The following GPC5 variants were observed in gnomAD, a reference collection of about 807,000 sequenced individuals.
GPC5 encodes glypican 5.
Under a neutral mutation model 53.9 loss-of-function variants are expected in GPC5, and 47 were observed. The ratio of observed to expected loss-of-function variants is 0.87; its 90% CI spans 0.69 to 1.11. GPC5 has a LOEUF of 1.11. GPC5 is among the 50% of genes most tolerant of loss of function. The probability of loss-of-function intolerance (pLI) is 0.00; values close to 1 mark genes in which losing one functional copy is unlikely to be tolerated. For missense variants in GPC5, 748 were observed against 713.1 expected, an observed-to-expected ratio of 1.05 and a Z score of -0.56; for synonymous variants, 286 against 263.3, an observed-to-expected ratio of 1.09 and a Z score of -0.84.
intron 7 of GPC5, among the ~76,000 whole-genome samples, chr13:92,839,155 A>T (rs1878331868): frequency 6.6e-6 from 1 of 152,228 alleles, no homozygotes; most frequent in Admixed American, 6.5e-5. Context: ...TAACTGACCA[A>T]TTGTAAGAGA....
rs1230613897 is a variant in GPC5, at chr13:91,854,023, GTTAGAAGGT to G, written c.1281-53910_1281-53902del. Among the ~76,000 whole-genome samples the G allele has an allele frequency of 2.6e-5, 4 of 151,602 alleles. No homozygotes were observed. The East Asian group carries it at 5.8e-4, about 22-fold the overall frequency. ...TATTTTTTTTCCTGAAATCTCTGCT[GTTAGAAGGT>G]TTATTTATGCACTTACTCTGTCGCT... On this transcript the variant is annotated intron_variant, in intron 5 of 7. Coordinates refer to ENST00000377067, the MANE Select transcript of GPC5 (RefSeq NM_004466.6).
At chr13:92,410,520 ACTTT>A (rs1177295216) in intron 7 of GPC5, among the ~76,000 whole-genome samples, 6 of 152,174 alleles carry the variant, frequency 3.9e-5, no homozygotes, top group African/African-American at 1.2e-4. Context: ...ATTGCACAGA[ACTTT>A]CTTTATTTAA....
intron 7 of GPC5, among the ~76,000 whole-genome samples, chr13:92,391,138 A>G (rs1874983117): frequency 6.6e-6 from 1 of 152,080 alleles, no homozygotes; most frequent in African/African-American, 2.4e-5. Context: ...ATTTAGAAAA[A>G]TCTCCTCATT....
At chr13:91,734,936 AT>A (rs542175165) in intron 4 of GPC5, among the ~76,000 whole-genome samples, 2 of 149,586 alleles carry the variant, frequency 1.3e-5, no homozygotes, top group African/African-American at 2.5e-5. Flanking sequence ...TTTCTACTAG[AT>A]TTTTTTTCAG....
chr13:91,478,608 A>G (rs1883078215), intron 2 of GPC5, among the ~76,000 whole-genome samples: 1 of 151,130 alleles, frequency 6.6e-6, no homozygotes, highest in Non-Finnish European at 1.5e-5. Context: ...TCATACAGAT[A>G]TATTTTTATT....
intron 3 of GPC5, among the ~76,000 whole-genome samples, chr13:91,695,319 T>A (rs2035856392): frequency 6.6e-6 from 1 of 152,158 alleles, no homozygotes; most frequent in South Asian, 2.1e-4. Context: ...TTCAAGTATT[T>A]CCTTGAAAAA....
chr13:91,760,589 G>T (rs2037389558), intron 5 of GPC5, among the ~76,000 whole-genome samples: 1 of 152,156 alleles, frequency 6.6e-6, no homozygotes, highest in South Asian at 2.1e-4. Flanking sequence ...CCAAGATTAA[G>T]TCTATTCTTC....
At chr13:91,901,045 G>C (rs2039492808) in intron 5 of GPC5, among the ~76,000 whole-genome samples, 1 of 151,606 alleles carries the variant, frequency 6.6e-6, no homozygotes, top group Non-Finnish European at 1.5e-5. Flanking sequence ...GCAGTGGGAT[G>C]GTAAAATTTT....
chr13:92,157,295 A>G (rs2041951735), intron 7 of GPC5, among the ~76,000 whole-genome samples: 2 of 152,126 alleles, frequency 1.3e-5, no homozygotes, highest in Non-Finnish European at 2.9e-5. Flanking sequence ...AAGAGAGAGA[A>G]CTCTCCACTG....
At chr13:91,644,741 T>C (rs1263622276) in intron 2 of GPC5, among the ~76,000 whole-genome samples, 1 of 152,218 alleles carries the variant, frequency 6.6e-6, no homozygotes, top group Admixed American at 6.5e-5. Flanking sequence ...GCAACTCTTC[T>C]GTATTTGTGA....
intron 2 of GPC5, among the ~76,000 whole-genome samples, chr13:91,503,032 G>A (rs1034384838): frequency 6.6e-6 from 1 of 152,086 alleles, no homozygotes; most frequent in African/African-American, 2.4e-5. Context: ...TAGAAAAATA[G>A]TAATGAAGTC....
At chr13:92,247,375 G>A (rs1020521086) in intron 7 of GPC5, among the ~76,000 whole-genome samples, 1 of 152,084 alleles carries the variant, frequency 6.6e-6, no homozygotes, top group African/African-American at 2.4e-5. Context: ...ATCTAAGACT[G>A]AGCAATCACT....
rs955543889 is a variant in GPC5 at position 92,773,302 on chromosome 13, T to C, written c.1562-92980T>C. The stretch of plus-strand genomic sequence containing the variant: ...ATCTCATAATGGCAGGTGGAGGTGC[T>C]ACTCTAGAAGCTCCTAGAATTTGAG... On this transcript the variant is annotated intron_variant, in intron 7 of 7. Transcript: ENST00000377067. Among the ~76,000 whole-genome samples, 6 of 152,198 alleles carry C rather than the reference T, an allele frequency of 3.9e-5. No individual in the cohort carries two copies. In the South Asian group the frequency reaches 6.2e-4, roughly 16 times the overall value.
At chr13:91,681,286 A>G (rs940198777) in intron 2 of GPC5, among the ~76,000 whole-genome samples, 1 of 152,152 alleles carries the variant, frequency 6.6e-6, no homozygotes, top group Non-Finnish European at 1.5e-5. Flanking sequence ...AAGAAACAAA[A>G]TTTTTACCAA....
In GPC5 at chr13:91,649,115, G is replaced by A. The variant is rs573939472; in HGVS notation, c.326-44072G>A. Among the ~76,000 whole-genome samples the A allele has an allele frequency of 8.0e-4, 122 of 152,272 alleles. 2 individuals carry two copies. The highest frequency in any genetic ancestry group is 6.7e-3 in the Admixed American group (103 of 15,272). The stretch of plus-strand genomic sequence containing the variant: ...CTTGGCACTTATCCTTCCTGCCACC[G>A]TGTGAAGAAGGACCTGTTTGCTTTC... On this transcript the variant is annotated intron_variant, in intron 2 of 7. Transcript: ENST00000377067.
chr13:91,656,012 G>T (rs1373864), intron 2 of GPC5, among the ~76,000 whole-genome samples: 3 of 152,108 alleles, frequency 2.0e-5, no homozygotes, highest in Admixed American at 6.6e-5. Context: ...TTTAGTGATC[G>T]TTGTGTCAGC....
At chr13:91,817,898 A>AT (rs1472678241) in intron 5 of GPC5, among the ~76,000 whole-genome samples, 1 of 151,740 alleles carries the variant, frequency 6.6e-6, no homozygotes, top group Non-Finnish European at 1.5e-5. Context: ...CTGTTCATGT[A>AT]TTTTTTCTTT....
chr13:91,490,451 T>G (rs1383934682), intron 2 of GPC5, among the ~76,000 whole-genome samples: 1 of 152,208 alleles, frequency 6.6e-6, no homozygotes, highest in Non-Finnish European at 1.5e-5. Flanking sequence ...TAGCATTCTC[T>G]TAGGGTTTTA....
intron 6 of GPC5, among the ~76,000 whole-genome samples, chr13:91,958,559 A>G (rs1282219912): frequency 1.3e-5 from 2 of 152,078 alleles, no homozygotes; most frequent in Non-Finnish European, 2.9e-5. Flanking sequence ...TTCATTGAAC[A>G]GCTACAGAAT....
Sources: gnomAD v4.1 joint callset for allele counts (sites outside exome capture counted in the v4.1 genomes callset) on GRCh38, gnomAD v4.1.1 for gene constraint, MANE v1.5 for transcripts, NCBI Gene and HGNC (gene_info 2026-07-23, HGNC 2026-07-21) for gene names.